Variants in KLRD1 observed in about 807,000 individuals in gnomAD.
KLRD1 encodes natural killer cells antigen CD94.
A neutral mutation model predicts 22.6 loss-of-function variants in KLRD1; 21 were observed. The observed-to-expected ratio is 0.93, with a 90% CI of 0.66 to 1.34. The LOEUF (loss-of-function observed/expected upper bound fraction) is 1.34. KLRD1 is among the 40% of genes most tolerant of loss of function. The pLI is 0.00. For missense variants in KLRD1, 183 were observed against 208.6 expected (o/e 0.88, Z 0.76); for synonymous variants, 59 against 71.1 (o/e 0.83, Z 0.85).
chr12:10,289,874 G>T (rs547509622), intron 1 of KLRD1, among the ~76,000 whole-genome samples: 6 of 152,144 alleles, frequency 3.9e-5, no homozygotes, highest in Non-Finnish European at 8.8e-5. Flanking sequence ...CGCCTCCCAG[G>T]TTCAAGCGAT....
At chr12:10,240,923 C>A (rs1207622782) in intron 1 of KLRD1, among the ~76,000 whole-genome samples, 2 of 152,144 alleles carry the variant, frequency 1.3e-5, no homozygotes, top group East Asian at 3.8e-4. Context: ...TCTTGATTTG[C>A]TGATTGCACC....
intron 1 of KLRD1, among the ~76,000 whole-genome samples, chr12:10,269,945 C>T (rs538439955): frequency 1.3e-5 from 2 of 152,208 alleles, no homozygotes; most frequent in East Asian, 1.9e-4. Flanking sequence ...TCTGTACCTA[C>T]CATCTTCTAT....
chr12:10,243,762 A>C (rs947413929), intron 1 of KLRD1, among the ~76,000 whole-genome samples: 1 of 152,120 alleles, frequency 6.6e-6, no homozygotes, highest in Non-Finnish European at 1.5e-5. Flanking sequence ...GTGCAAATAA[A>C]GGTGTTATAA....
chr12:10,277,227 C>T (rs1363680662), intron 1 of KLRD1, among the ~76,000 whole-genome samples: 1 of 151,000 alleles, frequency 6.6e-6, no homozygotes, highest in Non-Finnish European at 1.5e-5. Flanking sequence ...TGAGACTCAC[C>T]CATTTAACTG....
intron 1 of KLRD1, among the ~76,000 whole-genome samples, chr12:10,239,829 A>T (rs185325975): frequency 8.6e-5 from 13 of 151,658 alleles, no homozygotes; most frequent in African/African-American, 3.2e-4. Context: ...TTTACTAGAG[A>T]TGGGGTTTCA....
chr12:10,270,431 C>A (rs1473247980), intron 1 of KLRD1, among the ~76,000 whole-genome samples: 2 of 152,142 alleles, frequency 1.3e-5, no homozygotes, highest in African/African-American at 4.8e-5. Flanking sequence ...AGCAACAATG[C>A]ACCATGGAGA....
At chr12:10,287,415 G>A (rs1949717890) in intron 1 of KLRD1, among the ~76,000 whole-genome samples, 2 of 152,014 alleles carry the variant, frequency 1.3e-5, no homozygotes, top group South Asian at 4.2e-4. Flanking sequence ...CAGATAGGTT[G>A]CAAAAAAATG....
rs1443826799 is a variant in KLRD1 at position 10,319,854 on chromosome 12, A to G, written c.*5061A>G. The G allele has an allele frequency of 6.6e-6, 1 of 151,336 alleles. No individual in the cohort carries two copies. The highest frequency in any genetic ancestry group is 1.9e-4 in the East Asian group (1 of 5,210). 9.4% of individuals were successfully genotyped at this position (151,336 alleles called of 1,614,324 possible). A position where few individuals can be genotyped will look rare whatever the true frequency, so the allele number is the denominator to read the frequency against. On this transcript the variant is annotated 3_prime_UTR_variant, in exon 6 of 6. Coordinates refer to ENST00000336164, the MANE Select transcript of KLRD1 (RefSeq NM_002262.5). The stretch of plus-strand genomic sequence containing the variant: ...CTCTCAGAAGCTGTGTGAAATAGTA[A>G]AGTGTTTATTCTTTTTTTTTTTTTT...
intron 1 of KLRD1, among the ~76,000 whole-genome samples, chr12:10,244,049 C>T (rs138959510): frequency 2.6e-5 from 4 of 152,178 alleles, no homozygotes; most frequent in Admixed American, 6.5e-5. Flanking sequence ...CGTGGGCTTC[C>T]GGTTTCTCTT....
intron 1 of KLRD1, among the ~76,000 whole-genome samples, chr12:10,257,530 G>T (rs1245597555): frequency 9.0e-5 from 9 of 100,044 alleles, no homozygotes; most frequent in East Asian, 2.9e-4. Flanking sequence ...TTTCAGTTCT[G>T]TTATTTAATT....
At chr12:10,264,001 C>G (rs1321201801) in intron 1 of KLRD1, among the ~76,000 whole-genome samples, 2 of 152,034 alleles carry the variant, frequency 1.3e-5, no homozygotes, top group African/African-American at 4.8e-5. Flanking sequence ...CAACCACTTC[C>G]CTATCTTTTT....
At position 10,326,628 on chromosome 12, in the gene KLRD1, T is replaced by C. The variant is rs1950364187; in HGVS notation, c.*11835T>C. The C allele has an allele frequency of 6.6e-6, 1 of 151,394 alleles. No homozygotes were observed. Among genetic ancestry groups the C allele is most frequent in the African/African-American group, 2.4e-5 (1 of 41,158 alleles). 9.4% of individuals were successfully genotyped at this position (151,394 alleles called of 1,614,324 possible). A position where few individuals can be genotyped will look rare whatever the true frequency, so the allele number is the denominator to read the frequency against. On this transcript the variant is annotated 3_prime_UTR_variant, in exon 6 of 6. Transcript: ENST00000336164. ...CCTTTCCAAAGGAGGCAATCAGATA[T>C]GCATTTATCTCAGTGAGCAAAGAGA...
At chr12:10,299,992 C>A (rs1398071464), upstream of KLRD1, among the ~76,000 whole-genome samples, 2 of 152,210 alleles carry the variant, frequency 1.3e-5, no homozygotes, top group Non-Finnish European at 2.9e-5. Flanking sequence ...CTTCAGTCTC[C>A]ATTTCTAATT....
chr12:10,275,409 A>T (rs556172117), intron 1 of KLRD1, among the ~76,000 whole-genome samples: 1 of 152,356 alleles, frequency 6.6e-6, no homozygotes, highest in East Asian at 1.9e-4. Flanking sequence ...AATATTACTA[A>T]TTTAGACTAT....
intron 1 of KLRD1, among the ~76,000 whole-genome samples, chr12:10,251,342 C>T (rs994020870): frequency 3.3e-5 from 5 of 151,982 alleles, no homozygotes; most frequent in African/African-American, 1.2e-4. Context: ...CCAGGCTGGT[C>T]TCAAACTCCT....
intron 3 of KLRD1, among the ~76,000 whole-genome samples, chr12:10,310,017 A>G (rs1226255958): frequency 6.6e-6 from 1 of 152,250 alleles, no homozygotes. Context: ...GAATTTGCTT[A>G]TAACCTATAC....
chr12:10,278,229 C>T (rs1021938773), intron 1 of KLRD1, among the ~76,000 whole-genome samples: 9 of 152,174 alleles, frequency 5.9e-5, no homozygotes, highest in South Asian at 2.1e-4. Context: ...ACTCTGTGTG[C>T]GCTTTCCTAG....
At chr12:10,276,873 A>T (rs1565456663) in intron 1 of KLRD1, among the ~76,000 whole-genome samples, 1 of 152,172 alleles carries the variant, frequency 6.6e-6, no homozygotes, top group African/African-American at 2.4e-5. Flanking sequence ...TCTTTTCTGC[A>T]TACTTAGTGA....
At chr12:10,264,889 ACTCT>A (rs1198096844) in intron 1 of KLRD1, among the ~76,000 whole-genome samples, 1 of 151,308 alleles carries the variant, frequency 6.6e-6, no homozygotes, top group East Asian at 1.9e-4. Flanking sequence ...CCACCATTCT[ACTCT>A]CTGTTTCTCT....
Sources: allele counts gnomAD v4.1 joint callset (sites outside exome capture counted in the v4.1 genomes callset), GRCh38; gene constraint gnomAD v4.1.1; transcripts MANE v1.5; gene names NCBI Gene and HGNC (gene_info 2026-07-23, HGNC 2026-07-21).